ZNF485: variants seen among roughly 807,000 people sequenced by gnomAD.
ZNF485 encodes the protein Zinc finger protein 93 (Zinc finger protein HTF34).
A neutral mutation model predicts 10.8 loss-of-function variants in ZNF485; 9 were observed. The observed-to-expected ratio is 0.83, with a 90% CI of 0.50 to 1.45. The LOEUF is 1.45. Ranked by LOEUF, ZNF485 falls within the 40% of genes most tolerant of loss-of-function variation. The pLI, the probability that ZNF485 is intolerant of heterozygous loss-of-function variation, is 0.00. For missense variants in ZNF485, 487 were observed against 528.0 expected (o/e 0.92, Z 0.76); for synonymous variants, 187 against 181.0 (o/e 1.03, Z -0.27).
chr10:43,611,264 C>T (rs1461896631), intron 4 of ZNF485, among the ~76,000 whole-genome samples: 3 of 151,852 alleles, frequency 2.0e-5, no homozygotes, highest in East Asian at 1.9e-4. Flanking sequence ...GATGAGATCT[C>T]GCTATTTTGC....
At position 43,617,406 on chromosome 10, in the gene ZNF485, C is replaced by T. The variant is rs750125584; in HGVS notation, c.*37C>T. ...GTGCAGAGTAGTTTATTCCTTCTGACCATCATAGAGGAGACATTAAATAAA... is the reference window on the plus strand; with the variant it reads ...GTGCAGAGTAGTTTATTCCTTCTGATCATCATAGAGGAGACATTAAATAAA... On this transcript the variant is annotated 3_prime_UTR_variant, in exon 5 of 5. Coordinates refer to ENST00000361807, the MANE Select transcript of ZNF485 (RefSeq NM_145312.4). 1.0e-5 allele frequency: 14 copies of T among 1,398,098 alleles called. No homozygotes were observed. The African/African-American group carries it at 1.4e-4, about 14-fold the overall frequency. The allele number at this position is 1,398,098 out of a possible 1,614,324, so 86.6% of individuals were successfully genotyped here. A position where few individuals can be genotyped will look rare whatever the true frequency, so the allele number is the denominator to read the frequency against.
chr10:43,608,874 TA>T, intron 3 of ZNF485, 134 bp downstream of exon 3: 1 of 1,248,438 alleles, frequency 8.0e-7, no homozygotes, highest in Non-Finnish European at 1.1e-6. Context: ...AGTATGGGCT[TA>T]GAGGCTGGAG....
At chr10:43,612,694 A>C (rs1053168843) in intron 4 of ZNF485, among the ~76,000 whole-genome samples, 6 of 152,126 alleles carry the variant, frequency 3.9e-5, no homozygotes, top group African/African-American at 1.4e-4. Flanking sequence ...ATCTTTGGTT[A>C]CTTTTCCCTG....
intron 2 of ZNF485, 37 bp downstream of exon 2, chr10:43,607,111 GT>G: frequency 1.3e-6 from 2 of 1,550,652 alleles, no homozygotes; most frequent in Non-Finnish European, 1.7e-6. Context: ...GAAACCACGT[GT>G]TTCAGCGAGG....
chr10:43,607,699 A>C (rs963508033), intron 2 of ZNF485, among the ~76,000 whole-genome samples: 1 of 152,262 alleles, frequency 6.6e-6, no homozygotes, highest in Non-Finnish European at 1.5e-5. Context: ...AAATTAAAAA[A>C]ATTAAAGATC....
At position 43,606,747 on chromosome 10, in the gene ZNF485, C is replaced by A. The variant is rs985867224; in HGVS notation, c.-55+201C>A. On this transcript the variant is annotated intron_variant, in intron 1 of 4. Coordinates refer to ENST00000361807, the MANE Select transcript of ZNF485 (RefSeq NM_145312.4). ...CATCACAGAGCGCTCCAGCCTTGCG[C>A]CCCGGCCGACAGATTGGGCCACTGA... is the stretch of plus-strand genomic sequence containing the variant. Among the ~76,000 whole-genome samples, 8 of 152,234 alleles carry A rather than the reference C, an allele frequency of 5.3e-5. 1 individual carries two copies. The highest frequency in any genetic ancestry group is 1.9e-4 in the African/African-American group (8 of 41,468).
At position 43,617,101 on chromosome 10, in the gene ZNF485, CGTATCA is replaced by C; in HGVS notation, c.1061_1066del (p.Tyr354_Gln355del). On this transcript the variant is annotated inframe_deletion, in exon 5 of 5. Transcript: ENST00000361807. Reference sequence around the variant, plus strand: ...CAGAAAACTCACAGTGGAAATAAACCGTATCAGTGTCGTGACTGTGGGAAGGCCTTT... The same window carrying C: ...CAGAAAACTCACAGTGGAAATAAACCGTGTCGTGACTGTGGGAAGGCCTTT... The C allele has an allele frequency of 6.2e-7, 1 of 1,614,138 alleles. No individual in the cohort carries two copies. The highest frequency in any genetic ancestry group is 8.5e-7 in the Non-Finnish European group (1 of 1,180,032).
chr10:43,606,874 C>G (rs1287030997), intron 1 of ZNF485, 123 bp from the exon 2 acceptor site: 2 of 672,232 alleles, frequency 3.0e-6, no homozygotes, highest in South Asian at 3.7e-5. Flanking sequence ...CCCGAGCGTA[C>G]CCACCTGGAC....
In ZNF485 at chr10:43,609,445, C is replaced by T. The variant is rs905306833; in HGVS notation, c.247+95C>T. The T allele has an allele frequency of 8.1e-5, 74 of 915,380 alleles. No homozygotes were observed. In the African/African-American group the frequency reaches 9.6e-4, roughly 12 times the overall value. 56.7% of individuals were successfully genotyped at this position (915,380 alleles called of 1,614,324 possible). ...CTCATCTTTGAGTGCCCTGTTGGTG[C>T]AGAAAGGCACTGGTTTCCTCTTTTG... On this transcript the variant is annotated intron_variant, in intron 4 of 4. Coordinates refer to ENST00000361807, the MANE Select transcript of ZNF485 (RefSeq NM_145312.4).
At chr10:43,611,290 A>T (rs1247544415) in intron 4 of ZNF485, among the ~76,000 whole-genome samples, 1 of 151,912 alleles carries the variant, frequency 6.6e-6, no homozygotes, top group Non-Finnish European at 1.5e-5. Flanking sequence ...CTGGTCTGGA[A>T]CTCGTGGCCT....
At position 43,609,356 on chromosome 10, in the gene ZNF485, T is replaced by A. The variant is rs1349456641; in HGVS notation, c.247+6T>A. ...TCCATCAGGCACACATGCAGGTGAG[T>A]GGGTGGGGAACATCCCAGCAGAAGC... On this transcript the variant is annotated splice_donor_region_variant and intron_variant, in intron 4 of 4. Transcript: ENST00000361807. 4 of 1,611,988 alleles carry A rather than the reference T, an allele frequency of 2.5e-6. No individual in the cohort carries two copies. The highest frequency in any genetic ancestry group is 2.5e-6 in the Non-Finnish European group (3 of 1,178,420).
rs985457801 is a variant in ZNF485 at position 43,617,805 on chromosome 10, A to C, written c.*436A>C. On this transcript the variant is annotated 3_prime_UTR_variant, in exon 5 of 5. Coordinates refer to ENST00000361807, the MANE Select transcript of ZNF485 (RefSeq NM_145312.4). ...ACAACAGTAGAAATATACCCATGATAATATACCCAATATACCCTTGTTAAA... is the reference window on the plus strand; with the variant it reads ...ACAACAGTAGAAATATACCCATGATCATATACCCAATATACCCTTGTTAAA... 2 of 154,564 alleles carry C rather than the reference A, an allele frequency of 1.3e-5. No individual in the cohort carries two copies. Among genetic ancestry groups the C allele is most frequent in the African/African-American group, 4.8e-5 (2 of 41,486 alleles). 9.6% of individuals were successfully genotyped at this position (154,564 alleles called of 1,614,324 possible).
chr10:43,607,956 C>T (rs923948019), intron 2 of ZNF485, among the ~76,000 whole-genome samples: 5 of 152,174 alleles, frequency 3.3e-5, no homozygotes, highest in East Asian at 1.9e-4. Context: ...TATATAGTTA[C>T]GGCAGAAATT....
chr10:43,616,194 A>G (rs1227743943), intron 4 of ZNF485, 97 bp from the exon 5 acceptor site: 4 of 976,672 alleles, frequency 4.1e-6, no homozygotes, highest in Non-Finnish European at 4.5e-6. Context: ...CATAACCTTT[A>G]GTTATGTAGA....
intron 4 of ZNF485, among the ~76,000 whole-genome samples, chr10:43,609,713 G>A (rs1253347616): frequency 1.3e-5 from 2 of 150,970 alleles, no homozygotes; most frequent in Non-Finnish European, 2.9e-5. Flanking sequence ...AGACAGTCTC[G>A]CCCTGTCGCC....
chr10:43,607,187 A>G lies in ZNF485; in HGVS notation c.24+113A>G, dbSNP rs772852255. On this transcript the variant is annotated intron_variant, in intron 2 of 4. Transcript: ENST00000361807. The stretch of plus-strand genomic sequence containing the variant: ...TGTGTGGACAAAGCTACCCGAACCA[A>G]TCCTGGATGGGTCCCGCGATTTCCG... The G allele has an allele frequency of 1.4e-5, 18 of 1,273,432 alleles. 1 individual carries two copies. The highest frequency in any genetic ancestry group is 5.2e-4 in the Middle Eastern group (2 of 3,876). The allele number at this position is 1,273,432 out of a possible 1,614,324, so 78.9% of individuals were successfully genotyped here.
chr10:43,616,929 A>G lies in ZNF485; in HGVS notation c.886A>G (p.Lys296Glu). 1 of 1,614,188 alleles carries G rather than the reference A, an allele frequency of 6.2e-7. No homozygotes were observed. Among genetic ancestry groups the G allele is most frequent in the South Asian group, 1.1e-5 (1 of 91,088 alleles). ...ACATCAGAAAATCCATACTGGTGAG[A>G]AGCCATATCAGTGTAATGAATGTGG... The part of the protein sequence containing the change: ...LEHQKIHTGE[K>E]PYQCNECGKA... The change falls in exon 5 of 5, where the codon AAG becomes GAG. Residue 296 changes from lysine (K) to glutamate (E), a missense_variant. Physicochemically the swap from Lys to Glu is moderately conservative, Grantham distance 56. Coordinates refer to ENST00000361807, the MANE Select transcript of ZNF485 (RefSeq NM_145312.4).
rs1333806353 is a variant in ZNF485 at position 43,617,010 on chromosome 10, G to A, written c.967G>A (p.Glu323Lys). ...LISHQRMHTG[E>K]KPYHCSKCGK... Reference sequence around the variant, plus strand: ...TAGTCACCAAAGAATGCATACTGGGGAGAAACCCTATCACTGCAGTAAATG... The same window carrying A: ...TAGTCACCAAAGAATGCATACTGGGAAGAAACCCTATCACTGCAGTAAATG... The change falls in exon 5 of 5, where the codon GAG becomes AAG. Residue 323 changes from glutamate to lysine, a missense_variant. Transcript: ENST00000361807. 6.2e-7 allele frequency: 1 copy of A among 1,614,184 alleles called. No homozygotes were observed. The highest frequency in any genetic ancestry group is 8.5e-7 in the Non-Finnish European group (1 of 1,180,046).
In ZNF485 at chr10:43,617,404, G is replaced by T; in HGVS notation, c.*35G>T. 1.4e-6 allele frequency: 2 copies of T among 1,405,616 alleles called. No homozygotes were observed. Among genetic ancestry groups the T allele is most frequent in the South Asian group, 2.9e-5 (2 of 69,608 alleles). The allele number at this position is 1,405,616 out of a possible 1,614,324, so 87.1% of individuals were successfully genotyped here. A position where few individuals can be genotyped will look rare whatever the true frequency, so the allele number is the denominator to read the frequency against. The stretch of plus-strand genomic sequence containing the variant: ...TTGTGCAGAGTAGTTTATTCCTTCT[G>T]ACCATCATAGAGGAGACATTAAATA... On this transcript the variant is annotated 3_prime_UTR_variant, in exon 5 of 5. Coordinates refer to ENST00000361807, the MANE Select transcript of ZNF485 (RefSeq NM_145312.4).
Sources: gnomAD v4.1 joint callset for allele counts (sites outside exome capture counted in the v4.1 genomes callset) on GRCh38, gnomAD v4.1.1 for gene constraint, MANE v1.5 for transcripts, NCBI Gene and HGNC (gene_info 2026-07-23, HGNC 2026-07-21) for gene names.